The following CTNND2 variants were observed in gnomAD, a reference collection of about 807,000 sequenced individuals.
The protein encoded by CTNND2 is catenin delta-2.
CTNND2 carries 22 observed loss-of-function variants against 144.4 expected under a neutral mutation model. That is an observed-to-expected ratio of 0.15 (90% CI 0.11 to 0.22). The LOEUF (loss-of-function observed/expected upper bound fraction) is 0.22. Ranked by LOEUF, CTNND2 falls within the 10% of genes least tolerant of loss-of-function variation. The pLI, the probability that CTNND2 is intolerant of heterozygous loss-of-function variation, is 1.00. For synonymous variants in CTNND2, 751 were observed against 695.6 expected, an observed-to-expected ratio of 1.08 and a Z score of -1.25; for missense variants, 1,353 against 1,618.8, an observed-to-expected ratio of 0.84 and a Z score of 2.82.
At chr5:11,402,800 A>G (rs1216692230) in intron 5 of CTNND2, among the ~76,000 whole-genome samples, 1 of 152,248 alleles carries the variant, frequency 6.6e-6, no homozygotes, top group Non-Finnish European at 1.5e-5. Flanking sequence ...CTCTGTCTCC[A>G]GAATATCTAT....
intron 13 of CTNND2, 151 bp from the exon 14 acceptor site, chr5:11,111,194 G>A (rs1390959847): frequency 4.0e-6 from 3 of 753,370 alleles, no homozygotes; most frequent in African/African-American, 3.5e-5. Context: ...GATGGCCACA[G>A]TGGAAAACAA....
intron 15 of CTNND2, among the ~76,000 whole-genome samples, chr5:11,093,357 T>G (rs553086556): frequency 6.7e-6 from 1 of 148,950 alleles, no homozygotes; most frequent in Non-Finnish European, 1.5e-5. Context: ...GTTTTAATAG[T>G]CTGCAACAAA....
intron 2 of CTNND2, among the ~76,000 whole-genome samples, chr5:11,663,010 T>C (rs1373543823): frequency 6.6e-6 from 1 of 152,202 alleles, no homozygotes; most frequent in Non-Finnish European, 1.5e-5. Context: ...AAGCCATGTG[T>C]TGTGAGAATG....
At chr5:11,583,297 A>C (rs1778581141) in intron 2 of CTNND2, among the ~76,000 whole-genome samples, 1 of 152,326 alleles carries the variant, frequency 6.6e-6, no homozygotes, top group Non-Finnish European at 1.5e-5. Context: ...AAGTGCCTGG[A>C]GCACCTGGAT....
intron 3 of CTNND2, among the ~76,000 whole-genome samples, chr5:11,428,117 G>A (rs1028855364): frequency 2.0e-5 from 3 of 152,052 alleles, no homozygotes; most frequent in Non-Finnish European, 2.9e-5. Context: ...CTTCCCCTGG[G>A]TCCCTCCTAT....
At chr5:11,010,817 C>A (rs1740997695) in intron 18 of CTNND2, among the ~76,000 whole-genome samples, 1 of 152,248 alleles carries the variant, frequency 6.6e-6, no homozygotes, top group Non-Finnish European at 1.5e-5. Flanking sequence ...GACTCCACTC[C>A]CATCAAAGCT....
intron 10 of CTNND2, among the ~76,000 whole-genome samples, chr5:11,215,081 A>G (rs1267467533): frequency 6.6e-6 from 1 of 152,192 alleles, no homozygotes; most frequent in African/African-American, 2.4e-5. Context: ...CAGACATTCC[A>G]TATATCCATG....
chr5:11,465,567 T>C lies in CTNND2; in HGVS notation c.288-53498A>G, dbSNP rs541715916. 1.2e-3 allele frequency among the ~76,000 whole-genome samples: 184 copies of C among 152,310 alleles called. 5 individuals are homozygous for C. The highest frequency in any genetic ancestry group is 0.012 in the Admixed American group (182 of 15,294). On this transcript the variant is annotated intron_variant, in intron 3 of 21. Transcript: ENST00000304623. ...TTTATTTTTGCCAGACTGACTCGAA[T>C]GAAGATCACTATTGACTGTGGTGTT... is the stretch of plus-strand genomic sequence containing the variant.
intron 5 of CTNND2, among the ~76,000 whole-genome samples, chr5:11,404,602 C>CTTTATTTT (rs1760927008): frequency 1.7e-5 from 1 of 57,368 alleles, no homozygotes; most frequent in Non-Finnish European, 4.0e-5. Context: ...TATCTGTATT[C>CTTTATTTT]TTTTTTTTTT....
At chr5:11,664,597 T>A (rs946272347) in intron 2 of CTNND2, among the ~76,000 whole-genome samples, 1 of 152,098 alleles carries the variant, frequency 6.6e-6, no homozygotes, top group Admixed American at 6.6e-5. Context: ...ATAAAATATA[T>A]AACTTACTTT....
chr5:11,295,603 C>G (rs1033652227), intron 9 of CTNND2, among the ~76,000 whole-genome samples: 1 of 152,124 alleles, frequency 6.6e-6, no homozygotes, highest in African/African-American at 2.4e-5. Context: ...CTACAGTAAC[C>G]AAAACAGCAT....
intron 3 of CTNND2, among the ~76,000 whole-genome samples, chr5:11,478,511 C>A (rs1767964315): frequency 6.6e-6 from 1 of 152,182 alleles, no homozygotes. Flanking sequence ...GTCTTCAAAG[C>A]ACTTTGTCAA....
At chr5:11,796,415 C>T (rs1791404673) in intron 1 of CTNND2, among the ~76,000 whole-genome samples, 1 of 152,192 alleles carries the variant, frequency 6.6e-6, no homozygotes, top group Non-Finnish European at 1.5e-5. Context: ...ATATTATGGG[C>T]CACATTCTTC....
At chr5:11,481,353 C>T (rs1471542362) in intron 3 of CTNND2, among the ~76,000 whole-genome samples, 3 of 152,172 alleles carry the variant, frequency 2.0e-5, no homozygotes, top group Non-Finnish European at 2.9e-5. Flanking sequence ...ACCAATCTCA[C>T]CCTAATCCTG....
intron 9 of CTNND2, among the ~76,000 whole-genome samples, chr5:11,308,714 A>C (rs543564585): frequency 6.6e-6 from 1 of 152,352 alleles, no homozygotes; most frequent in African/African-American, 2.4e-5. Context: ...ACTGATGCAA[A>C]TCCAGACAAC....
intron 14 of CTNND2, 83 bp from the exon 15 acceptor site, chr5:11,098,831 AAAC>A (rs1751606665): frequency 3.0e-6 from 4 of 1,322,614 alleles, no homozygotes; most frequent in Non-Finnish European, 4.3e-6. Flanking sequence ...TTACAGGCGA[AAAC>A]AAAAGCAGAG....
At chr5:11,211,306 C>A (rs1289781584) in intron 10 of CTNND2, among the ~76,000 whole-genome samples, 1 of 151,858 alleles carries the variant, frequency 6.6e-6, no homozygotes, top group Non-Finnish European at 1.5e-5. Flanking sequence ...TTGCAGGGCC[C>A]TGGGTTTACT....
intron 2 of CTNND2, among the ~76,000 whole-genome samples, chr5:11,598,226 T>C (rs576594260): frequency 6.6e-5 from 10 of 152,322 alleles, no homozygotes; most frequent in Non-Finnish European, 1.2e-4. Flanking sequence ...GTTTTAAGTT[T>C]GTCTTCTAGG....
intron 2 of CTNND2, among the ~76,000 whole-genome samples, chr5:11,639,582 G>GA (rs1781888083): frequency 1.3e-5 from 2 of 152,120 alleles, no homozygotes; most frequent in South Asian, 4.1e-4. Context: ...TGTAGCATAT[G>GA]AAAAAATTCC....
Sources: allele counts gnomAD v4.1 joint callset (sites outside exome capture counted in the v4.1 genomes callset), GRCh38; gene constraint gnomAD v4.1.1; transcripts MANE v1.5; gene names NCBI Gene and HGNC (gene_info 2026-07-23, HGNC 2026-07-21).